The following RBFOX2 variants were observed in gnomAD, a reference collection of about 807,000 sequenced individuals.
RBFOX2 encodes the protein RNA binding fox-1 homolog 2, also known as RNA binding protein fox-1 homolog 2.
RBFOX2 carries 10 observed loss-of-function variants against 49.1 expected under a neutral mutation model. The observed-to-expected ratio is 0.20, with a 90% CI of 0.13 to 0.35. The LOEUF (loss-of-function observed/expected upper bound fraction) is 0.35. RBFOX2 is among the 10% of genes least tolerant of loss of function. The pLI, the probability that RBFOX2 is intolerant of heterozygous loss-of-function variation, is 1.00. For synonymous variants in RBFOX2, 183 were observed against 187.4 expected, an observed-to-expected ratio of 0.98 and a Z score of 0.19; for missense variants, 323 against 486.9, an observed-to-expected ratio of 0.66 and a Z score of 3.17.
intron 1 of RBFOX2, among the ~76,000 whole-genome samples, chr22:35,832,570 C>T (rs948840616): frequency 2.0e-5 from 3 of 152,100 alleles, no homozygotes; most frequent in East Asian, 1.9e-4. Context: ...CAGTGGCTCG[C>T]ACCTGTAATC....
At chr22:35,992,927 T>C (rs1032798962) in intron 1 of RBFOX2, 2 of 152,196 alleles carry the variant, frequency 1.3e-5, no homozygotes, top group African/African-American at 4.8e-5. Context: ...ACAGGATACC[T>C]TGCTTTACTT....
At chr22:35,806,071 A>C (rs1356619251) in intron 2 of RBFOX2, among the ~76,000 whole-genome samples, 1 of 152,222 alleles carries the variant, frequency 6.6e-6, no homozygotes, top group Non-Finnish European at 1.5e-5. Context: ...TATATGCTAT[A>C]CATTTATCCA....
At position 35,766,693 on chromosome 22, in the gene RBFOX2, ACAAT is replaced by A. The variant is rs1415437024; in HGVS notation, c.547-1214_547-1211del. 4.6e-5 allele frequency among the ~76,000 whole-genome samples: 7 copies of A among 152,342 alleles called. 1 individual carries two copies. In the East Asian group the frequency reaches 9.6e-4, roughly 21 times the overall value. On this transcript the variant is annotated intron_variant, in intron 5 of 11. Coordinates refer to ENST00000405409, the Ensembl canonical transcript of RBFOX2. The stretch of plus-strand genomic sequence containing the variant: ...CACACACAAATAAAAGAAAGAAAAA[ACAAT>A]CAATTTTGGAAAGAGGGGAGAAACT...
chr22:35,768,838 T>C (rs1379132229), intron 4 of RBFOX2, among the ~76,000 whole-genome samples: 1 of 152,176 alleles, frequency 6.6e-6, no homozygotes, highest in South Asian at 2.1e-4. Context: ...CATTGCATAA[T>C]GAGATTTTTT....
intron 11 of RBFOX2, 99 bp downstream of exon 13, chr22:35,745,824 T>C (rs1203378287): frequency 2.4e-6 from 3 of 1,229,588 alleles, no homozygotes; most frequent in African/African-American, 1.5e-5. Context: ...TGATGGTGGA[T>C]GAAAGGCTGA....
At chr22:35,887,739 T>C (rs1011834595) in intron 1 of RBFOX2, among the ~76,000 whole-genome samples, 7 of 152,168 alleles carry the variant, frequency 4.6e-5, no homozygotes, top group African/African-American at 7.2e-5. Flanking sequence ...AACAGCCACA[T>C]AGATTCAACA....
At chr22:35,954,613 C>T (rs2055341707) in intron 1 of RBFOX2, among the ~76,000 whole-genome samples, 1 of 152,192 alleles carries the variant, frequency 6.6e-6, no homozygotes, top group African/African-American at 2.4e-5. Context: ...CCCTCCATTG[C>T]TTACATGATT....
At chr22:35,916,422 C>A (rs1483258790) in intron 1 of RBFOX2, among the ~76,000 whole-genome samples, 1 of 152,186 alleles carries the variant, frequency 6.6e-6, no homozygotes. Context: ...GTTGGGATTG[C>A]AGGCATGGGC....
At chr22:35,843,649 T>C (rs567972966), upstream of RBFOX2, among the ~76,000 whole-genome samples, 12 of 152,276 alleles carry the variant, frequency 7.9e-5, no homozygotes, top group South Asian at 2.3e-3. Flanking sequence ...TACCAGTCTT[T>C]CTTAACTTTC....
chr22:35,979,062 A>G (rs1046823720), intron 1 of RBFOX2, among the ~76,000 whole-genome samples: 2 of 152,196 alleles, frequency 1.3e-5, no homozygotes, highest in African/African-American at 4.8e-5. Context: ...AATATTACTG[A>G]CAGTGGGATG....
At chr22:35,834,427 C>G (rs939234284) in intron 1 of RBFOX2, among the ~76,000 whole-genome samples, 1 of 152,132 alleles carries the variant, frequency 6.6e-6, no homozygotes, top group Non-Finnish European at 1.5e-5. Flanking sequence ...AGACTGCTGA[C>G]GAGGATCCTG....
intron 1 of RBFOX2, among the ~76,000 whole-genome samples, chr22:36,017,068 C>A (rs997559234): frequency 1.3e-5 from 2 of 152,212 alleles, no homozygotes; most frequent in African/African-American, 4.8e-5. Context: ...GGGAGAACAA[C>A]AGCCAGAGAG....
chr22:35,746,029 A>G lies in RBFOX2; in HGVS notation c.977-34T>C, dbSNP rs117830485. The stretch of plus-strand genomic sequence containing the variant: ...AAGAAACACAATCAGACAGATAAAG[A>G]AAAGTGTATGATCTAAAAAAATTAA... On this transcript the variant is annotated intron_variant, in intron 10 of 11. Coordinates refer to ENST00000405409, the Ensembl canonical transcript of RBFOX2. 2,928 of 1,562,030 alleles carry G rather than the reference A, an allele frequency of 1.9e-3. 42 individuals carry two copies. In the East Asian group the frequency reaches 0.039, roughly 21 times the overall value.
chr22:35,798,138 G>A (rs780967412), intron 2 of RBFOX2, among the ~76,000 whole-genome samples: 2 of 152,084 alleles, frequency 1.3e-5, no homozygotes, highest in Non-Finnish European at 2.9e-5. Flanking sequence ...ACCACGCCTG[G>A]CTAATTTTGT....
intron 1 of RBFOX2, among the ~76,000 whole-genome samples, chr22:35,971,420 G>T (rs1463806011): frequency 6.6e-6 from 1 of 152,034 alleles, no homozygotes; most frequent in Non-Finnish European, 1.5e-5. Flanking sequence ...ACATTCTCAT[G>T]TTCCCAATCC....
chr22:35,976,780 T>C (rs934327908), intron 1 of RBFOX2, among the ~76,000 whole-genome samples: 1 of 152,050 alleles, frequency 6.6e-6, no homozygotes. Context: ...CTGGCCAACA[T>C]GGCGAAACCT....
chr22:35,754,337 C>T (rs1177642828), intron 9 of RBFOX2, among the ~76,000 whole-genome samples: 3 of 149,252 alleles, frequency 2.0e-5, no homozygotes, highest in South Asian at 2.1e-4. Context: ...ATGATCTGCC[C>T]GCCTCGGCCT....
intron 3 of RBFOX2, 58 bp downstream of exon 4, chr22:35,781,542 C>A (rs559536481): frequency 6.4e-6 from 10 of 1,572,878 alleles, no homozygotes; most frequent in African/African-American, 1.4e-5. Context: ...AATAACACAT[C>A]TGGGGGATTA....
intron 1 of RBFOX2, among the ~76,000 whole-genome samples, chr22:35,967,804 C>T (rs577313502): frequency 7.2e-5 from 11 of 152,174 alleles, no homozygotes; most frequent in South Asian, 4.2e-4. Flanking sequence ...ATCTAAAATC[C>T]GTACCATTTA....
Sources: gnomAD v4.1 joint callset for allele counts (sites outside exome capture counted in the v4.1 genomes callset) on GRCh38, gnomAD v4.1.1 for gene constraint, MANE v1.5 for transcripts, NCBI Gene and HGNC (gene_info 2026-07-23, HGNC 2026-07-21) for gene names.